THBS4: variants seen among roughly 807,000 people sequenced by gnomAD.
THBS4 encodes thrombospondin 4.
THBS4 carries 90 observed loss-of-function variants against 115.7 expected under a neutral mutation model. The observed-to-expected ratio is 0.78, with a 90% CI of 0.66 to 0.93. THBS4 has a LOEUF of 0.93. THBS4 is among the 40% of genes least tolerant of loss of function. The pLI is 0.00. For missense variants in THBS4, 1,087 were observed against 1,232.7 expected (o/e 0.88, Z 1.77); for synonymous variants, 460 against 479.3 (o/e 0.96, Z 0.53).
intron 2 of THBS4, among the ~76,000 whole-genome samples, chr5:80,048,507 G>A (rs143236368): frequency 5.0e-4 from 76 of 152,200 alleles, no homozygotes; most frequent in African/African-American, 1.7e-3. Flanking sequence ...TTGGGCTTCT[G>A]TGCACACTCA....
chr5:80,040,178 T>C lies in THBS4; in HGVS notation c.190T>C (p.Phe64Leu), dbSNP rs1580934818. The C allele has an allele frequency of 1.2e-6, 2 of 1,614,194 alleles. No individual in the cohort carries two copies. The highest frequency in any genetic ancestry group is 4.5e-5 in the East Asian group (2 of 44,880). Reference sequence around the variant, plus strand: ...GAATGATCTCTATGTGATTTCCACCTTCAAGCTGCAGACTAAAAGTTCAGC... The same window carrying C: ...GAATGATCTCTATGTGATTTCCACCCTCAAGCTGCAGACTAAAAGTTCAGC... The part of the protein sequence containing the change: ...ALNDLYVIST[F>L]KLQTKSSATI... Residue 64 changes from phenylalanine (F) to leucine (L), a missense_variant, in exon 2 of 22, where the codon TTC becomes CTC. Transcript: ENST00000350881.
At chr5:80,070,281 C>A in intron 10 of THBS4, 25 bp from the exon 11 acceptor site, 1 of 1,538,110 alleles carries the variant, frequency 6.5e-7, no homozygotes, top group Admixed American at 2.1e-5. Context: ...GCTTCCCAGG[C>A]CTCTGATGGG....
chr5:80,041,641 G>A lies in THBS4; in HGVS notation c.292+1361G>A, dbSNP rs367847770. Among the ~76,000 whole-genome samples, 12 of 152,270 alleles carry A rather than the reference G, an allele frequency of 7.9e-5. No individual in the cohort carries two copies. The East Asian group carries it at 1.7e-3, about 22-fold the overall frequency. ...CTCTGCTGTCATTTGTTTTGTTGCC[G>A]TAGTGAGTTACTATAAGCACTGAGA... On this transcript the variant is annotated intron_variant, in intron 2 of 21. Transcript: ENST00000350881.
intron 1 of THBS4, among the ~76,000 whole-genome samples, chr5:79,994,927 T>C (rs972936931): frequency 2.0e-5 from 3 of 152,236 alleles, no homozygotes; most frequent in Non-Finnish European, 2.9e-5. Flanking sequence ...AAAGGCCTAA[T>C]GAAAGAAGAT....
chr5:80,022,222 A>G (rs886373363), intron 2 of THBS4, among the ~76,000 whole-genome samples: 2 of 152,124 alleles, frequency 1.3e-5, no homozygotes, highest in Non-Finnish European at 2.9e-5. Context: ...CTTTCATTTT[A>G]TATTTGGTCT....
At chr5:80,046,139 G>A (rs758393047) in intron 2 of THBS4, among the ~76,000 whole-genome samples, 2 of 152,182 alleles carry the variant, frequency 1.3e-5, no homozygotes, top group African/African-American at 2.4e-5. Context: ...ATAGGTAATG[G>A]GAGATTAACA....
chr5:80,064,613 C>T (rs1833748341), intron 8 of THBS4, among the ~76,000 whole-genome samples: 1 of 152,096 alleles, frequency 6.6e-6, no homozygotes, highest in Admixed American at 6.6e-5. Flanking sequence ...TGCCTGTGGT[C>T]CCAGCAACCT....
intron 2 of THBS4, among the ~76,000 whole-genome samples, chr5:80,025,040 G>A (rs557764966): frequency 1.1e-4 from 17 of 152,162 alleles, no homozygotes; most frequent in African/African-American, 2.7e-4. Context: ...AAATTGGTGC[G>A]TTATAATTAT....
chr5:80,083,017 G>GGGGGACC (rs1743602899), intron 21 of THBS4, 63 bp from the exon 22 acceptor site: 5 of 1,478,006 alleles, frequency 3.4e-6, no homozygotes, highest in Non-Finnish European at 4.7e-6. Context: ...AGCCGCGGGC[G>GGGGGACC]GGGGTCCGGG....
At chr5:80,049,066 C>G (rs1315775053) in intron 2 of THBS4, among the ~76,000 whole-genome samples, 1 of 152,220 alleles carries the variant, frequency 6.6e-6, no homozygotes, top group African/African-American at 2.4e-5. Flanking sequence ...ACTCTGGACT[C>G]CTTTGCCCAA....
In THBS4 at chr5:80,080,579, C is replaced by CTTTTTTTTTTTTTTTTT. The variant is rs67048630; in HGVS notation, c.2684+511_2684+527dup. 5.5e-3 allele frequency among the ~76,000 whole-genome samples: 277 copies of CTTTTTTTTTTTTTTTTT among 50,492 alleles called. 53 individuals carry two copies. Among genetic ancestry groups the CTTTTTTTTTTTTTTTTT allele is most frequent in the South Asian group, 0.01 (10 of 970 alleles). 33.1% of individuals were successfully genotyped at this position (50,492 alleles called of 152,430 possible). Reference sequence around the variant, plus strand: ...AACTGCATGAGAGCAGCGCTTGTATCTTTTTTTTTTTTTTTTTTTTTTTTT... The same window carrying CTTTTTTTTTTTTTTTTT: ...AACTGCATGAGAGCAGCGCTTGTATCTTTTTTTTTTTTTTTTTTTTTTTTTTTTTTTTTTTTTTTTTT... On this transcript the variant is annotated intron_variant, in intron 20 of 21. Transcript: ENST00000350881.
intron 2 of THBS4, among the ~76,000 whole-genome samples, chr5:80,018,502 C>G (rs1400009672): frequency 7.0e-6 from 1 of 142,748 alleles, no homozygotes; most frequent in Non-Finnish European, 1.5e-5. Flanking sequence ...TCAATTGATT[C>G]TCCTGCCTCA....
At chr5:80,070,924 T>C (rs775326991) in intron 12 of THBS4, 97 bp from the exon 13 acceptor site, 17 of 1,588,722 alleles carry the variant, frequency 1.1e-5, no homozygotes, top group South Asian at 4.6e-5. Flanking sequence ...AATATAAAAC[T>C]GACAAACTTG....
In THBS4 at chr5:80,082,231, T is replaced by C. The variant is rs1743546524; in HGVS notation, c.2685-175T>C. ...GGTCCCTGCCCTCAAGGACTTCCAG[T>C]CTAGTAAGTAAGTGGCAACAGCTAC... On this transcript the variant is annotated intron_variant, in intron 20 of 21. Transcript: ENST00000350881. 3 of 736,670 alleles carry C rather than the reference T, an allele frequency of 4.1e-6. No homozygotes were observed. The South Asian group carries it at 6.3e-5, about 15-fold the overall frequency. 45.6% of individuals were successfully genotyped at this position (736,670 alleles called of 1,614,324 possible).
rs746536115 is a variant in THBS4, at chr5:80,072,185, G to C, written c.1721-93G>C. The C allele has an allele frequency of 2.6e-5, 29 of 1,130,502 alleles. 1 individual carries two copies. The highest frequency in any genetic ancestry group is 1.5e-5 in the African/African-American group (1 of 65,742). 70.0% of individuals were successfully genotyped at this position (1,130,502 alleles called of 1,614,324 possible). On this transcript the variant is annotated intron_variant, in intron 13 of 21. Coordinates refer to ENST00000350881, the MANE Select transcript of THBS4 (RefSeq NM_003248.6). ...GTAGTCTCTGTGTGACACTGGCCCA[G>C]GCAGAAGTGACTCACCATGCGCCTG...
At chr5:80,023,844 G>A (rs1048474980) in intron 2 of THBS4, among the ~76,000 whole-genome samples, 10 of 152,020 alleles carry the variant, frequency 6.6e-5, no homozygotes, top group African/African-American at 2.2e-4. Context: ...GAGAAACCAA[G>A]GAGCCAGGCT....
chr5:80,010,194 C>T lies in THBS4; in HGVS notation n.177+11767C>T, dbSNP rs1366015163. Among the ~76,000 whole-genome samples the T allele has an allele frequency of 1.1e-4, 16 of 152,320 alleles. 1 individual carries two copies. The East Asian group carries it at 3.1e-3, about 29-fold the overall frequency. ...CAGCAAAAACCCATTACCCTTAAGA[C>T]AAAGTCCAGAATCCTTACTGCAGTC... On this transcript the variant is annotated intron_variant and non_coding_transcript_variant, in intron 2 of 3. Coordinates refer to the THBS4 transcript ENST00000510218.
chr5:80,000,432 C>G (rs1831876176), intron 2 of THBS4, among the ~76,000 whole-genome samples: 1 of 152,162 alleles, frequency 6.6e-6, no homozygotes, highest in Non-Finnish European at 1.5e-5. Context: ...GCATTTTCTT[C>G]TCCCACATCT....
In THBS4 at chr5:80,028,233, C is replaced by T. The variant is rs571770864; in HGVS notation, n.178-11844C>T. ...CTAAAAACCCACCAACTTATCTACC[C>T]TTACCATCTCCACTTCCTATTCTGT... On this transcript the variant is annotated intron_variant and non_coding_transcript_variant, in intron 2 of 3. Transcript: ENST00000510218. 1.2e-4 allele frequency among the ~76,000 whole-genome samples: 18 copies of T among 152,140 alleles called. No homozygotes were observed. In the East Asian group the frequency reaches 3.1e-3, roughly 26 times the overall value.
Sources: gnomAD v4.1 joint callset for allele counts (sites outside exome capture counted in the v4.1 genomes callset) on GRCh38, gnomAD v4.1.1 for gene constraint, MANE v1.5 for transcripts, NCBI Gene and HGNC (gene_info 2026-07-23, HGNC 2026-07-21) for gene names.